The following OTUD7A variants were observed in gnomAD, a reference collection of about 807,000 sequenced individuals.
OTUD7A encodes the protein OTU domain-containing protein 7A.
A neutral mutation model predicts 65.7 loss-of-function variants in OTUD7A; 12 were observed. That is an observed-to-expected ratio of 0.18 (90% confidence interval 0.12 to 0.30). OTUD7A has a LOEUF of 0.30. Among genes scored for constraint, OTUD7A ranks in the 10% least tolerant of loss-of-function variants. OTUD7A has a pLI of 1.00. For synonymous variants in OTUD7A, 641 were observed against 586.3 expected (o/e 1.09, Z -1.35); for missense variants, 1,148 against 1,304.8 (o/e 0.88, Z 1.85).
At chr15:31,526,163 C>G (rs937695347) in intron 8 of OTUD7A, among the ~76,000 whole-genome samples, 186 bp downstream of exon 8, 16 of 152,236 alleles carry the variant, frequency 1.1e-4, no homozygotes, top group Non-Finnish European at 2.9e-5. Context: ...CTGGCGGGGC[C>G]AGCCATCACC....
chr15:31,595,230 C>T (rs981031911), intron 3 of OTUD7A, among the ~76,000 whole-genome samples: 5 of 152,136 alleles, frequency 3.3e-5, no homozygotes, highest in African/African-American at 1.2e-4. Context: ...GGTAAGGACG[C>T]AAGATTTTAC....
At chr15:31,633,969 C>T (rs1005625465) in intron 3 of OTUD7A, among the ~76,000 whole-genome samples, 9 of 152,302 alleles carry the variant, frequency 5.9e-5, no homozygotes, top group East Asian at 1.9e-4. Context: ...CTCACTCGAC[C>T]GACACACCTG....
chr15:31,659,028 TG>T (rs1409523655), intron 1 of OTUD7A, among the ~76,000 whole-genome samples: 19 of 107,690 alleles, frequency 1.8e-4, no homozygotes, highest in African/African-American at 8.2e-4. Context: ...AATGAATGAA[TG>T]AATGAATGAA....
At chr15:31,617,769 T>G (rs1191900499) in intron 3 of OTUD7A, among the ~76,000 whole-genome samples, 1 of 151,446 alleles carries the variant, frequency 6.6e-6, no homozygotes, top group Non-Finnish European at 1.5e-5. Flanking sequence ...TTTATTTTTA[T>G]TTTATTATTT....
chr15:31,736,836 G>A (rs1227452119), intron 1 of OTUD7A, among the ~76,000 whole-genome samples: 2 of 151,452 alleles, frequency 1.3e-5, no homozygotes, highest in African/African-American at 2.4e-5. Context: ...TTTTGGGGGG[G>A]CGGGGGGACG....
At chr15:31,632,217 G>C (rs1891188215) in intron 3 of OTUD7A, among the ~76,000 whole-genome samples, 2 of 152,130 alleles carry the variant, frequency 1.3e-5, no homozygotes, top group Non-Finnish European at 2.9e-5. Flanking sequence ...CATCTTTGTG[G>C]CTTTATCTAC....
At position 31,487,644 on chromosome 15, in the gene OTUD7A, G is replaced by T. The variant is rs1030099642; in HGVS notation, c.1172-78C>A. On this transcript the variant is annotated intron_variant, in intron 10 of 12. Coordinates refer to ENST00000307050, the MANE Select transcript of OTUD7A (RefSeq NM_001382637.1). This position sits in a 1 kb window ranked among gnomAD's most constrained non-coding sequence, Gnocchi z 6.0. ...GATGGCAAGGAAATTCCCAAGCCAG[G>T]TATCTGGGTGACAAATGCACCGAGT... The T allele has an allele frequency of 2.6e-6, 3 of 1,163,258 alleles. No individual in the cohort carries two copies. Among genetic ancestry groups the T allele is most frequent in the African/African-American group, 3.1e-5 (2 of 65,108 alleles). The allele number at this position is 1,163,258 out of a possible 1,614,324, so 72.1% of individuals were successfully genotyped here. A position where few individuals can be genotyped will look rare whatever the true frequency, so the allele number is the denominator to read the frequency against.
chr15:31,627,695 AC>A (rs1891005325), intron 3 of OTUD7A, among the ~76,000 whole-genome samples: 1 of 152,178 alleles, frequency 6.6e-6, no homozygotes, highest in Non-Finnish European at 1.5e-5. Flanking sequence ...GAACTAGTTT[AC>A]ACTCCCACCA....
intron 3 of OTUD7A, among the ~76,000 whole-genome samples, chr15:31,642,668 T>C (rs529411267): frequency 5.9e-5 from 9 of 152,216 alleles, no homozygotes; most frequent in African/African-American, 2.2e-4. Flanking sequence ...GCTGCATTTA[T>C]TGGCATAGAA....
chr15:31,814,561 T>C (rs1896502037), intron 1 of OTUD7A, among the ~76,000 whole-genome samples: 1 of 151,984 alleles, frequency 6.6e-6, no homozygotes, highest in Non-Finnish European at 1.5e-5. Flanking sequence ...TCTCGCTTTG[T>C]TGCCCAGGCT....
chr15:31,648,549 G>A (rs1373402681), intron 3 of OTUD7A, among the ~76,000 whole-genome samples: 2 of 152,152 alleles, frequency 1.3e-5, no homozygotes, highest in Non-Finnish European at 1.5e-5. Context: ...AGAGACCAGA[G>A]CTAACGTTCT....
chr15:31,854,815 GAA>G (rs879800438), intron 1 of OTUD7A, among the ~76,000 whole-genome samples: 1 of 124,318 alleles, frequency 8.0e-6, no homozygotes, highest in African/African-American at 3.0e-5. Flanking sequence ...TCCTAAAAAG[GAA>G]AAAAAAAAAC....
At position 31,484,900 on chromosome 15, in the gene OTUD7A, C is replaced by G. The variant is rs2041214463; in HGVS notation, c.1372-176G>C. Among the ~76,000 whole-genome samples, 1 of 152,168 alleles carries G rather than the reference C, an allele frequency of 6.6e-6. No individual in the cohort carries two copies. The highest frequency in any genetic ancestry group is 1.5e-5 in the Non-Finnish European group (1 of 68,036). Reference sequence around the variant, plus strand: ...ATCCGGATGGGCGGTGCTGAAGGAGCGGATAGGAGTGGGCTCTGATCTGCT... The same window carrying G: ...ATCCGGATGGGCGGTGCTGAAGGAGGGGATAGGAGTGGGCTCTGATCTGCT... On this transcript the variant is annotated intron_variant, in intron 12 of 12. Transcript: ENST00000307050. The surrounding 1 kb of genome is among the most constrained non-coding windows in gnomAD (Gnocchi z 4.5).
At chr15:31,722,084 T>G (rs947592192) in intron 1 of OTUD7A, among the ~76,000 whole-genome samples, 1 of 152,218 alleles carries the variant, frequency 6.6e-6, no homozygotes, top group Non-Finnish European at 1.5e-5. Flanking sequence ...TGGCACACAG[T>G]CTGTGGCACA....
intron 5 of OTUD7A, among the ~76,000 whole-genome samples, chr15:31,537,367 A>T (rs1887838105): frequency 6.6e-6 from 1 of 152,258 alleles, no homozygotes; most frequent in Admixed American, 6.5e-5. Flanking sequence ...TATTAAAATT[A>T]ACACTACAAA....
chr15:31,786,870 C>A (rs186008900), intron 1 of OTUD7A, among the ~76,000 whole-genome samples: 52 of 152,276 alleles, frequency 3.4e-4, no homozygotes, highest in Non-Finnish European at 7.1e-4. Context: ...TAACCGCCCC[C>A]CTTCATTCCA....
chr15:31,709,354 C>A (rs1272895484), intron 1 of OTUD7A, among the ~76,000 whole-genome samples: 3 of 152,188 alleles, frequency 2.0e-5, no homozygotes, highest in South Asian at 2.1e-4. Flanking sequence ...GCCAGCGGGG[C>A]ACCACAGGTG....
At chr15:31,796,322 C>A (rs1486071471) in intron 1 of OTUD7A, among the ~76,000 whole-genome samples, 2 of 152,104 alleles carry the variant, frequency 1.3e-5, no homozygotes, top group African/African-American at 4.8e-5. Context: ...ATCTGCAGGG[C>A]AGATGGGCAG....
rs560339677 is a variant in OTUD7A, at chr15:31,618,649, G to A, written c.151+36447C>T. On this transcript the variant is annotated intron_variant, in intron 3 of 12. Coordinates refer to ENST00000307050, the MANE Select transcript of OTUD7A (RefSeq NM_001382637.1). ...TTGTTTTTTTCTTTTAAATTTGTTC[G>A]AGTTCTTTGTAGATTCTGGATATTA... Among the ~76,000 whole-genome samples the A allele has an allele frequency of 2.6e-5, 4 of 152,064 alleles. 1 individual carries two copies. The highest frequency in any genetic ancestry group is 1.9e-4 in the East Asian group (1 of 5,168).
Sources: gnomAD v4.1 joint callset for allele counts (sites outside exome capture counted in the v4.1 genomes callset) on GRCh38, gnomAD v4.1.1 for gene constraint, Gnocchi (gnomAD v3.1) non-coding constraint, MANE v1.5 for transcripts, NCBI Gene and HGNC (gene_info 2026-07-23, HGNC 2026-07-21) for gene names.